The following NTNG2 variants were observed in gnomAD, a reference collection of about 807,000 sequenced individuals.
NTNG2 encodes netrin-G2.
NTNG2 carries 15 observed loss-of-function variants against 47.6 expected under a neutral mutation model. That is an observed-to-expected ratio of 0.32 (90% CI 0.21 to 0.49). The LOEUF is 0.49. Among genes scored for constraint, NTNG2 ranks in the 20% least tolerant of loss-of-function variants. The pLI is 0.99. For synonymous variants in NTNG2, 307 were observed against 324.6 expected (o/e 0.95, Z 0.58); for missense variants, 578 against 764.6 (o/e 0.76, Z 2.88).
intron 5 of NTNG2, chr9:132,233,773 C>G (rs1339509412): frequency 6.6e-6 from 1 of 152,176 alleles, no homozygotes; most frequent in Non-Finnish European, 1.5e-5. Context: ...ATTCTGGGCT[C>G]ACAGCTCCGT....
chr9:132,219,474 G>A (rs1840209192), intron 3 of NTNG2, among the ~76,000 whole-genome samples: 1 of 150,956 alleles, frequency 6.6e-6, no homozygotes, highest in African/African-American at 2.4e-5. Context: ...TTAGCAGGCT[G>A]AGGCAGGAGA....
At chr9:132,202,241 G>A (rs1838818880) in intron 3 of NTNG2, among the ~76,000 whole-genome samples, 1 of 152,230 alleles carries the variant, frequency 6.6e-6, no homozygotes, top group Admixed American at 6.5e-5. Flanking sequence ...CCAATGGCAG[G>A]CAGCAATGTA....
At chr9:132,173,760 C>T (rs1444352402) in intron 2 of NTNG2, among the ~76,000 whole-genome samples, 2 of 147,328 alleles carry the variant, frequency 1.4e-5, no homozygotes, top group African/African-American at 2.5e-5. Context: ...GATGGACGGA[C>T]GAACGGAGAG....
rs1160743227 is a variant in NTNG2 at position 132,197,176 on chromosome 9, G to A, written c.214-790G>A. On this transcript the variant is annotated intron_variant, in intron 2 of 7. Transcript: ENST00000393229. The surrounding 1 kb of genome is among the most constrained non-coding windows in gnomAD (Gnocchi z 4.3). ...AGGGCAAGCCAGGTGGATCAACGGA[G>A]GTCAGAGTTCGAGACCAGCCTGGCC... 1.3e-5 allele frequency among the ~76,000 whole-genome samples: 2 copies of A among 152,184 alleles called. No individual in the cohort carries two copies. The highest frequency in any genetic ancestry group is 2.9e-5 in the Non-Finnish European group (2 of 68,042).
Position 132,239,123 on chromosome 9 carries a change from C to T in NTNG2, c.1074C>T (p.His358=), listed in dbSNP as rs769531651. Residue 358 remains histidine (H), a synonymous_variant, in exon 6 of 8, where the codon CAC becomes CAT. Transcript: ENST00000393229. ...GCCCAGACTGCGAATGCTACGGTCA[C>T]TCCAACCGCTGCAGCTACATTGACT... The part of the protein sequence containing the change: ...GSFGNCECYG[H]SNRCSYIDFL... The T allele has an allele frequency of 4.3e-6, 7 of 1,613,478 alleles. No individual in the cohort carries two copies. The highest frequency in any genetic ancestry group is 2.7e-5 in the African/African-American group (2 of 74,940).
chr9:132,220,461 C>CT (rs201197800), intron 3 of NTNG2, among the ~76,000 whole-genome samples: 2,412 of 137,456 alleles, frequency 0.018, 51 homozygotes, highest in East Asian at 0.087. Flanking sequence ...TTTCCTTCTT[C>CT]TTTTTTTTTT....
chr9:132,206,206 G>A (rs1429851365), intron 3 of NTNG2, among the ~76,000 whole-genome samples: 1 of 152,168 alleles, frequency 6.6e-6, no homozygotes. Context: ...CAAAGGGTGG[G>A]TTTCAATCAT....
rs545668676 is a variant in NTNG2 at position 132,181,149 on chromosome 9, T to C, written c.213+14105T>C. On this transcript the variant is annotated intron_variant, in intron 2 of 7. Coordinates refer to ENST00000393229, the MANE Select transcript of NTNG2 (RefSeq NM_032536.4). Reference sequence around the variant, plus strand: ...CCCAGGCTGGAGTGCAGTGAAGCAGTCTTGGCTCACTGCAGCCTCGACCTC... The same window carrying C: ...CCCAGGCTGGAGTGCAGTGAAGCAGCCTTGGCTCACTGCAGCCTCGACCTC... Among the ~76,000 whole-genome samples the C allele has an allele frequency of 8.5e-5, 13 of 152,180 alleles. No individual in the cohort carries two copies. In the East Asian group the frequency reaches 2.5e-3, roughly 29 times the overall value.
intron 5 of NTNG2, 40 bp downstream of exon 5, chr9:132,230,635 G>C: frequency 6.3e-7 from 1 of 1,593,106 alleles, no homozygotes; most frequent in Non-Finnish European, 8.6e-7. Context: ...GGCCCCCACT[G>C]CACGAGCCTC....
chr9:132,195,230 T>G (rs1442468380), intron 2 of NTNG2, among the ~76,000 whole-genome samples: 3 of 150,132 alleles, frequency 2.0e-5, no homozygotes, highest in African/African-American at 7.3e-5. Context: ...ACCCACCATC[T>G]TTCCCTGCCT....
intron 2 of NTNG2, among the ~76,000 whole-genome samples, chr9:132,175,338 G>C (rs1314180105): frequency 6.6e-6 from 1 of 152,188 alleles, no homozygotes; most frequent in South Asian, 2.1e-4. Context: ...TAGGCCACAG[G>C]CTCTGAAGGA....
Position 132,163,624 on chromosome 9 carries a change from G to A in NTNG2, c.-484+1385G>A, listed in dbSNP as rs1038968764. Reference sequence around the variant, plus strand: ...GGGAGAGGGAACCCCGGGGTGGGCTGAGTATCCCCCCTAGCCCCGGGAGCC... The same window carrying A: ...GGGAGAGGGAACCCCGGGGTGGGCTAAGTATCCCCCCTAGCCCCGGGAGCC... On this transcript the variant is annotated intron_variant, in intron 1 of 7. Transcript: ENST00000393229. This position sits in a 1 kb window ranked among gnomAD's most constrained non-coding sequence, Gnocchi z 7.2. Among the ~76,000 whole-genome samples, 1 of 151,954 alleles carries A rather than the reference G, an allele frequency of 6.6e-6. No individual in the cohort carries two copies. The highest frequency in any genetic ancestry group is 2.4e-5 in the African/African-American group (1 of 41,410).
chr9:132,243,695 G>C lies in NTNG2; in HGVS notation c.*1584G>C, dbSNP rs148259492. Reference sequence around the variant, plus strand: ...TTTCCCAGCTGCGAGGTTTAGACCTGGGTCCTTCCCTTGAGTCCCCAAAGC... The same window carrying C: ...TTTCCCAGCTGCGAGGTTTAGACCTCGGTCCTTCCCTTGAGTCCCCAAAGC... On this transcript the variant is annotated 3_prime_UTR_variant, in exon 8 of 8. Coordinates refer to ENST00000393229, the MANE Select transcript of NTNG2 (RefSeq NM_032536.4). 1 of 152,438 alleles carries C rather than the reference G, an allele frequency of 6.6e-6. No homozygotes were observed. Among genetic ancestry groups the C allele is most frequent in the African/African-American group, 2.4e-5 (1 of 41,576 alleles). 9.4% of individuals were successfully genotyped at this position (152,438 alleles called of 1,614,324 possible).
chr9:132,167,229 G>T (rs1835558834), intron 2 of NTNG2, among the ~76,000 whole-genome samples, 185 bp downstream of exon 2: 1 of 152,216 alleles, frequency 6.6e-6, no homozygotes, highest in South Asian at 2.1e-4. Context: ...TCAAAACAGA[G>T]GACACCCTGA....
chr9:132,239,049 C>T (rs878904618), intron 5 of NTNG2, 55 bp from the exon 6 acceptor site: 1 of 1,570,250 alleles, frequency 6.4e-7, no homozygotes, highest in Admixed American at 1.7e-5. Context: ...CCCTGTCCCT[C>T]AGTTTCCCTG....
In NTNG2 at chr9:132,182,251, G is replaced by C. The variant is rs1589396667; in HGVS notation, c.213+15207G>C. Among the ~76,000 whole-genome samples the C allele has an allele frequency of 6.6e-6, 1 of 152,202 alleles. No individual in the cohort carries two copies. Among genetic ancestry groups the C allele is most frequent in the Non-Finnish European group, 1.5e-5 (1 of 68,044 alleles). On this transcript the variant is annotated intron_variant, in intron 2 of 7. Coordinates refer to ENST00000393229, the MANE Select transcript of NTNG2 (RefSeq NM_032536.4). The surrounding 1 kb of genome is among the most constrained non-coding windows in gnomAD (Gnocchi z 4.2). ...TGATTGTTTTTCTGGGGAAGGAGTG[G>C]GGGAAAAAATTGCACCCAACAATGG...
rs1247026951 is a variant in NTNG2 at position 132,162,569 on chromosome 9, A to AGAGTGTGTGTGTGT, written c.-484+331_-484+332insAGTGTGTGTGTGTG. On this transcript the variant is annotated intron_variant, in intron 1 of 7. Transcript: ENST00000393229. This position sits in a 1 kb window ranked among gnomAD's most constrained non-coding sequence, Gnocchi z 4.6. The stretch of plus-strand genomic sequence containing the variant: ...GTGTGTGTGTGTGAGAGAGAGACAG[A>AGAGTGTGTGTGTGT]GTGTGTGTGTGTGTGTGTGTGTGTG... Among the ~76,000 whole-genome samples the AGAGTGTGTGTGTGT allele has an allele frequency of 3.6e-5, 4 of 112,468 alleles. No homozygotes were observed. The East Asian group carries it at 1.0e-3, about 29-fold the overall frequency. The allele number at this position is 112,468 out of a possible 152,430, so 73.8% of individuals were successfully genotyped here.
chr9:132,198,256 C>G lies in NTNG2; in HGVS notation c.504C>G (p.Ala168=), dbSNP rs781430143. 3 of 1,612,868 alleles carry G rather than the reference C, an allele frequency of 1.9e-6. No homozygotes were observed. In the African/African-American group the frequency reaches 4.0e-5, roughly 22 times the overall value. ...GRTWQPYQFY[A]EDCMEAFGMS... ...CCTGGCAGCCCTACCAGTTCTACGCCGAGGACTGCATGGAGGCCTTCGGTA... is the reference window on the plus strand; with the variant it reads ...CCTGGCAGCCCTACCAGTTCTACGCGGAGGACTGCATGGAGGCCTTCGGTA... Residue 168 remains alanine (A), a synonymous_variant, in exon 3 of 8, where the codon GCC becomes GCG. Transcript: ENST00000393229.
chr9:132,171,111 C>T (rs1462283300), intron 2 of NTNG2, among the ~76,000 whole-genome samples: 1 of 152,120 alleles, frequency 6.6e-6, no homozygotes, highest in African/African-American at 2.4e-5. Flanking sequence ...GGCGGGGGGT[C>T]TGTGCTTCTG....
Sources: allele counts gnomAD v4.1 joint callset (sites outside exome capture counted in the v4.1 genomes callset), GRCh38; gene constraint gnomAD v4.1.1; non-coding constraint Gnocchi (gnomAD v3.1); transcripts MANE v1.5; gene names NCBI Gene and HGNC (gene_info 2026-07-23, HGNC 2026-07-21).